GUCY1A2: variants seen among roughly 807,000 people sequenced by gnomAD.
The protein encoded by GUCY1A2 is guanylate cyclase 1 soluble subunit alpha 2, also known as guanylate cyclase soluble subunit alpha-2.
GUCY1A2 carries 27 observed loss-of-function variants against 63.5 expected under a neutral mutation model. The ratio of observed to expected loss-of-function variants is 0.43; its 90% CI spans 0.31 to 0.59. The LOEUF is 0.59. GUCY1A2 is among the 20% of genes least tolerant of loss of function. GUCY1A2 has a pLI of 0.11. For missense variants in GUCY1A2, 768 were observed against 913.3 expected (o/e 0.84, Z 2.05); for synonymous variants, 364 against 343.5 (o/e 1.06, Z -0.66).
chr11:106,954,514 T>C (rs1267255088), intron 3 of GUCY1A2, among the ~76,000 whole-genome samples: 1 of 152,226 alleles, frequency 6.6e-6, no homozygotes, highest in Non-Finnish European at 1.5e-5. Flanking sequence ...TCCGTAAATG[T>C]CTACTAGGTC....
intron 1 of GUCY1A2, among the ~76,000 whole-genome samples, chr11:107,006,177 C>T (rs72996351): frequency 0.11 from 17,320 of 152,174 alleles, 1,330 homozygotes; most frequent in Middle Eastern, 0.23. Flanking sequence ...CTCCTCTTTT[C>T]CCAGAATGCA....
intron 3 of GUCY1A2, among the ~76,000 whole-genome samples, chr11:106,959,433 A>T (rs1438929173): frequency 6.6e-6 from 1 of 152,086 alleles, no homozygotes; most frequent in Non-Finnish European, 1.5e-5. Flanking sequence ...ATGTACTCGG[A>T]TTCATAATGT....
intron 4 of GUCY1A2, among the ~76,000 whole-genome samples, chr11:106,868,452 C>T (rs1179758270): frequency 1.3e-5 from 2 of 151,974 alleles, no homozygotes; most frequent in South Asian, 2.1e-4. Flanking sequence ...AGCATGCTTA[C>T]ACACCAATAA....
chr11:106,836,271 GTTGA>G (rs1404091667), intron 4 of GUCY1A2, among the ~76,000 whole-genome samples: 2 of 151,852 alleles, frequency 1.3e-5, no homozygotes, highest in East Asian at 1.9e-4. Context: ...ATCATAAACA[GTTGA>G]TTAACACATA....
intron 6 of GUCY1A2, among the ~76,000 whole-genome samples, chr11:106,710,074 T>C (rs1258245169): frequency 8.4e-6 from 1 of 118,498 alleles, no homozygotes; most frequent in South Asian, 2.5e-4. Context: ...GTATATAATA[T>C]ATAGTTATAT....
chr11:106,836,354 A>G (rs1232030041), intron 4 of GUCY1A2, among the ~76,000 whole-genome samples: 1 of 152,032 alleles, frequency 6.6e-6, no homozygotes, highest in African/African-American at 2.4e-5. Context: ...AATGTTATTA[A>G]GAAAATCAAA....
intron 3 of GUCY1A2, among the ~76,000 whole-genome samples, chr11:106,968,869 C>T (rs891542162): frequency 6.6e-6 from 1 of 152,138 alleles, no homozygotes; most frequent in African/African-American, 2.4e-5. Context: ...CACAACAGAC[C>T]AGGAATTGGA....
chr11:106,726,674 A>G (rs1863414618), intron 6 of GUCY1A2, among the ~76,000 whole-genome samples: 2 of 152,128 alleles, frequency 1.3e-5, no homozygotes, highest in South Asian at 4.1e-4. Context: ...AAAAATTGAT[A>G]AGACTTGGTG....
chr11:106,857,240 G>A (rs949005815), intron 4 of GUCY1A2, among the ~76,000 whole-genome samples: 2 of 152,250 alleles, frequency 1.3e-5, no homozygotes, highest in African/African-American at 4.8e-5. Flanking sequence ...TCCTGGTGAA[G>A]ACCCTCTTTC....
At chr11:106,790,926 A>T (rs1864647868) in intron 5 of GUCY1A2, among the ~76,000 whole-genome samples, 1 of 152,072 alleles carries the variant, frequency 6.6e-6, no homozygotes, top group African/African-American at 2.4e-5. Context: ...TCTTTTGGAG[A>T]TGTAAGTTGC....
Position 106,939,801 on chromosome 11 carries a change from G to C in GUCY1A2, c.865C>G (p.Leu289Val). The C allele has an allele frequency of 6.2e-7, 1 of 1,613,774 alleles. No homozygotes were observed. Among genetic ancestry groups the C allele is most frequent in the Non-Finnish European group, 8.5e-7 (1 of 1,179,646 alleles). Residue 289 changes from leucine to valine, a missense_variant, in exon 4 of 8, where the codon CTT becomes GTT. Around this residue, in one of 3 missense-constraint regions of GUCY1A2, gnomAD observed 496 missense variants for 486.9 expected, o/e 1.02. Coordinates refer to ENST00000526355, the MANE Select transcript of GUCY1A2 (RefSeq NM_000855.3). ...DVSNPGNCSC[L>V]TFLIKECENT... Reference sequence around the variant, plus strand: ...TCACATTCTTTGATAAGGAAAGTAAGACAGCTACAATTGCCTGGGTTTGAA... The same window carrying C: ...TCACATTCTTTGATAAGGAAAGTAACACAGCTACAATTGCCTGGGTTTGAA...
intron 4 of GUCY1A2, among the ~76,000 whole-genome samples, chr11:106,906,135 C>G (rs975684792): frequency 5.3e-5 from 8 of 152,124 alleles, no homozygotes; most frequent in Non-Finnish European, 7.4e-5. Context: ...GCAAAAGAAA[C>G]TGTCATCAGA....
intron 1 of GUCY1A2, among the ~76,000 whole-genome samples, chr11:107,011,087 T>C (rs1296877768): frequency 6.6e-6 from 1 of 152,194 alleles, no homozygotes; most frequent in Non-Finnish European, 1.5e-5. Context: ...AACATAAGAA[T>C]ATCAAGGACA....
intron 4 of GUCY1A2, among the ~76,000 whole-genome samples, chr11:106,832,839 T>A (rs899367876): frequency 6.6e-6 from 1 of 152,156 alleles, no homozygotes; most frequent in African/African-American, 2.4e-5. Flanking sequence ...TTAAATTAAA[T>A]GAAAGCAGCT....
intron 6 of GUCY1A2, among the ~76,000 whole-genome samples, chr11:106,740,831 G>A (rs767143088): frequency 1.3e-5 from 2 of 152,040 alleles, no homozygotes; most frequent in Non-Finnish European, 2.9e-5. Flanking sequence ...GTGCCACCAT[G>A]CCTGGCTAAT....
chr11:106,674,467 T>C lies in GUCY1A2; in HGVS notation c.*13082A>G, dbSNP rs1416799359. The C allele has an allele frequency of 5.7e-6, 1 of 174,756 alleles. No individual in the cohort carries two copies. 10.8% of individuals were successfully genotyped at this position (174,756 alleles called of 1,614,324 possible). A position where few individuals can be genotyped will look rare whatever the true frequency, so the allele number is the denominator to read the frequency against. The stretch of plus-strand genomic sequence containing the variant: ...GTTTCTTTAAACCTGTACTACTAGA[T>C]AAAGAAAAATATTTTAAAATATAAT... On this transcript the variant is annotated 3_prime_UTR_variant, in exon 8 of 8. Transcript: ENST00000526355.
intron 3 of GUCY1A2, among the ~76,000 whole-genome samples, chr11:106,943,304 A>C (rs1274312010): frequency 1.1e-4 from 16 of 152,222 alleles, no homozygotes; most frequent in Admixed American, 9.2e-4. Context: ...ACATATAGAC[A>C]ATGCTAATCT....
intron 3 of GUCY1A2, among the ~76,000 whole-genome samples, chr11:106,976,536 A>G (rs1326405214): frequency 1.3e-5 from 2 of 152,202 alleles, no homozygotes; most frequent in Non-Finnish European, 2.9e-5. Context: ...CAGAGAGTCA[A>G]TATATCAAGA....
chr11:106,873,613 GT>G (rs1343719698), intron 4 of GUCY1A2, among the ~76,000 whole-genome samples: 2 of 151,962 alleles, frequency 1.3e-5, no homozygotes, highest in Non-Finnish European at 2.9e-5. Flanking sequence ...TTTTCATGGG[GT>G]TGTCCATTTT....
Sources: allele counts gnomAD v4.1 joint callset (sites outside exome capture counted in the v4.1 genomes callset), GRCh38; gene constraint gnomAD v4.1.1; regional missense constraint gnomAD v4.1.1; transcripts MANE v1.5; gene names NCBI Gene and HGNC (gene_info 2026-07-23, HGNC 2026-07-21).